CXCL13: variants seen among roughly 807,000 people sequenced by gnomAD.
The protein encoded by CXCL13 is C-X-C motif chemokine 13.
CXCL13 carries 7 observed loss-of-function variants against 12.2 expected under a neutral mutation model. The ratio of observed to expected loss-of-function variants is 0.57; its 90% CI spans 0.33 to 1.07. The LOEUF (loss-of-function observed/expected upper bound fraction) is 1.07, where lower values mean the gene tolerates loss of function less well. CXCL13 is among the 50% of genes least tolerant of loss of function. The probability of loss-of-function intolerance (pLI) is 0.04; values close to 1 mark genes in which losing one functional copy is unlikely to be tolerated. For synonymous variants in CXCL13, 47 were observed against 42.4 expected (o/e 1.11, Z -0.42); for missense variants, 113 against 127.4 (o/e 0.89, Z 0.55).
intron 1 of CXCL13, among the ~76,000 whole-genome samples, chr4:77,557,266 C>T (rs2109810401): frequency 6.6e-6 from 1 of 152,332 alleles, no homozygotes; most frequent in East Asian, 1.9e-4. Context: ...TTAACTCAGT[C>T]TCCTTTCCTT....
At chr4:77,587,196 G>C (rs1453269176) in intron 1 of CXCL13, among the ~76,000 whole-genome samples, 1 of 152,180 alleles carries the variant, frequency 6.6e-6, no homozygotes, top group African/African-American at 2.4e-5. Context: ...TGCCGAACCA[G>C]TCAAAACAAG....
chr4:77,513,694 C>G (rs545681561), intron 1 of CXCL13, among the ~76,000 whole-genome samples: 164 of 152,198 alleles, frequency 1.1e-3, no homozygotes, highest in Non-Finnish European at 1.7e-3. Flanking sequence ...CCTTGTGATC[C>G]ACCCAACTCA....
chr4:77,577,438 G>A (rs943052622), intron 1 of CXCL13, among the ~76,000 whole-genome samples: 1 of 152,128 alleles, frequency 6.6e-6, no homozygotes, highest in Non-Finnish European at 1.5e-5. Context: ...GATCTGAGGG[G>A]TCCGGAGGCA....
intron 1 of CXCL13, among the ~76,000 whole-genome samples, chr4:77,539,542 G>A (rs1725150751): frequency 6.6e-6 from 1 of 152,204 alleles, no homozygotes; most frequent in African/African-American, 2.4e-5. Context: ...TGGCCTGCTA[G>A]CACTTGGGAG....
chr4:77,563,844 C>T (rs1277541463), intron 1 of CXCL13, among the ~76,000 whole-genome samples: 1 of 152,150 alleles, frequency 6.6e-6, no homozygotes, highest in Non-Finnish European at 1.5e-5. Context: ...GTCTTTGGGA[C>T]ATACATACTT....
intron 2 of CXCL13, among the ~76,000 whole-genome samples, chr4:77,610,161 A>G (rs1397105651): frequency 6.7e-6 from 1 of 149,788 alleles, no homozygotes; most frequent in African/African-American, 2.5e-5. Flanking sequence ...GTCTCATGTG[A>G]AATTGCACTG....
intron 1 of CXCL13, among the ~76,000 whole-genome samples, chr4:77,587,529 A>C (rs987811988): frequency 1.3e-5 from 2 of 152,184 alleles, no homozygotes; most frequent in Admixed American, 6.5e-5. Flanking sequence ...GGAGGGAGAG[A>C]CAGAATTGCT....
At chr4:77,552,676 G>A (rs1471449799) in intron 1 of CXCL13, among the ~76,000 whole-genome samples, 1 of 152,092 alleles carries the variant, frequency 6.6e-6, no homozygotes, top group Admixed American at 6.5e-5. Flanking sequence ...AGAATCCAGT[G>A]GCCAGCCACC....
chr4:77,578,441 C>T (rs1321418344), intron 1 of CXCL13, among the ~76,000 whole-genome samples: 1 of 152,134 alleles, frequency 6.6e-6, no homozygotes, highest in Non-Finnish European at 1.5e-5. Context: ...GTTAAGTGTA[C>T]TTCTTTAGGC....
chr4:77,539,473 A>T lies in CXCL13; in HGVS notation c.-43+27685A>T, dbSNP rs542031634. On this transcript the variant is annotated intron_variant, in intron 1 of 4. Transcript: ENST00000286758. ...AGGTTTTATACATTAGTGTACTTCC[A>T]AGGTCCTGCATCCCTTCTCCTCTAA... is the stretch of plus-strand genomic sequence containing the variant. Among the ~76,000 whole-genome samples the T allele has an allele frequency of 5.3e-5, 8 of 152,170 alleles. No homozygotes were observed. The South Asian group carries it at 1.7e-3, about 32-fold the overall frequency.
At chr4:77,610,913 G>A in intron 3 of CXCL13, 75 bp from the exon 4 acceptor site, 2 of 1,338,798 alleles carry the variant, frequency 1.5e-6, no homozygotes, top group South Asian at 2.4e-5. Context: ...TCCTTGCCCG[G>A]TATCTCCAGA....
intron 1 of CXCL13, among the ~76,000 whole-genome samples, chr4:77,539,667 C>A (rs1029859880): frequency 2.6e-5 from 4 of 152,212 alleles, no homozygotes; most frequent in Admixed American, 2.6e-4. Flanking sequence ...TTTTAATGTG[C>A]TTGCTTGAAC....
Position 77,611,006 on chromosome 4 carries a change from A to T in CXCL13, c.297A>T (p.Leu99=), listed in dbSNP as rs1320454258. ...EVLRKRSSST[L]PVPVFKRKIP is the part of the protein sequence containing the mutation. Reference sequence around the variant, plus strand: ...TTCACAGAAGAAGTTCTTCAACTCTACCAGTTCCAGTGTTTAAGAGAAAGA... The same window carrying T: ...TTCACAGAAGAAGTTCTTCAACTCTTCCAGTTCCAGTGTTTAAGAGAAAGA... Residue 99 remains leucine (L), a synonymous_variant, in exon 4 of 4, where the codon CTA becomes CTT. Transcript: ENST00000682537. The T allele has an allele frequency of 6.2e-7, 1 of 1,611,210 alleles. No individual in the cohort carries two copies. The highest frequency in any genetic ancestry group is 8.5e-7 in the Non-Finnish European group (1 of 1,179,638).
intron 1 of CXCL13, among the ~76,000 whole-genome samples, chr4:77,546,041 G>A (rs1172978992): frequency 1.3e-5 from 2 of 152,066 alleles, no homozygotes; most frequent in Non-Finnish European, 2.9e-5. Context: ...TTTATATGAT[G>A]GATTACATTT....
chr4:77,535,202 G>A (rs146114977), intron 1 of CXCL13, among the ~76,000 whole-genome samples: 26 of 152,230 alleles, frequency 1.7e-4, no homozygotes, highest in African/African-American at 6.0e-4. Flanking sequence ...GAAGAACTGG[G>A]GGCCTTTAGG....
At chr4:77,560,443 C>T (rs567021725) in intron 1 of CXCL13, among the ~76,000 whole-genome samples, 1 of 152,334 alleles carries the variant, frequency 6.6e-6, no homozygotes, top group East Asian at 1.9e-4. Context: ...TTCCCTGCAG[C>T]ATACATTCCT....
At chr4:77,579,659 A>AT (rs1289286946) in intron 1 of CXCL13, among the ~76,000 whole-genome samples, 19 of 151,800 alleles carry the variant, frequency 1.3e-4, no homozygotes, top group Admixed American at 1.0e-3. Context: ...AGGACCTTTT[A>AT]TTTTTTTTAA....
chr4:77,575,045 A>G (rs1433742351), intron 1 of CXCL13, among the ~76,000 whole-genome samples: 1 of 151,990 alleles, frequency 6.6e-6, no homozygotes, highest in Non-Finnish European at 1.5e-5. Context: ...ATTAGCTTGC[A>G]AAAGAAATTC....
At chr4:77,520,465 C>CT (rs757600436) in intron 1 of CXCL13, among the ~76,000 whole-genome samples, 2 of 152,140 alleles carry the variant, frequency 1.3e-5, no homozygotes, top group African/African-American at 2.4e-5. Context: ...GTACTGTATT[C>CT]TTTTTGCAGC....
Sources: allele counts gnomAD v4.1 joint callset (sites outside exome capture counted in the v4.1 genomes callset), GRCh38; gene constraint gnomAD v4.1.1; transcripts MANE v1.5; gene names NCBI Gene and HGNC (gene_info 2026-07-23, HGNC 2026-07-21).